Variants in PKP2 observed in about 807,000 individuals in gnomAD.
The protein encoded by PKP2 is plakophilin-2.
PKP2 carries 73 observed loss-of-function variants against 83.4 expected under a neutral mutation model. The ratio of observed to expected loss-of-function variants is 0.88; its 90% CI spans 0.72 to 1.06. The LOEUF (loss-of-function observed/expected upper bound fraction) is 1.06, where lower values mean the gene tolerates loss of function less well. Ranked by LOEUF, PKP2 falls within the 50% of genes least tolerant of loss-of-function variation. The pLI, the probability that PKP2 is intolerant of heterozygous loss-of-function variation, is 0.00. For synonymous variants in PKP2, 409 were observed against 430.4 expected, an observed-to-expected ratio of 0.95 and a Z score of 0.62; for missense variants, 966 against 1,065.4, an observed-to-expected ratio of 0.91 and a Z score of 1.30.
Position 32,819,876 on chromosome 12 carries a change from G to A in PKP2, c.2013+1480C>T, listed in dbSNP as rs192158525. ...AGCAAGCTTACACACACACACACAC[G>A]CACACACAACCCCCCCCCCCCCATT... is the stretch of plus-strand genomic sequence containing the variant. On this transcript the variant is annotated intron_variant, in intron 9 of 12. Transcript: ENST00000340811. 4.2e-4 allele frequency among the ~76,000 whole-genome samples: 28 copies of A among 67,062 alleles called. No individual in the cohort carries two copies. The East Asian group carries it at 5.9e-3, about 14-fold the overall frequency. The allele number at this position is 67,062 out of a possible 152,430, so 44.0% of individuals were successfully genotyped here.
intron 4 of PKP2, among the ~76,000 whole-genome samples, chr12:32,865,529 T>A (rs540971745): frequency 1.4e-5 from 2 of 147,576 alleles, no homozygotes; most frequent in South Asian, 2.2e-4. Flanking sequence ...AAAAAAAAAA[T>A]ACAAAAATTA....
At chr12:32,835,441 C>A (rs1481348818) in intron 6 of PKP2, among the ~76,000 whole-genome samples, 1 of 151,324 alleles carries the variant, frequency 6.6e-6, no homozygotes, top group East Asian at 1.9e-4. Flanking sequence ...AACTGCAATA[C>A]ATATTTTAAC....
intron 5 of PKP2, among the ~76,000 whole-genome samples, chr12:32,848,631 A>C (rs2137855188): frequency 6.6e-6 from 1 of 152,310 alleles, no homozygotes; most frequent in South Asian, 2.1e-4. Flanking sequence ...ACATGGACTT[A>C]AAGATGAATA....
At position 32,792,669 on chromosome 12, in the gene PKP2, G is replaced by A. The variant is rs146118033; in HGVS notation, c.2420C>T (p.Thr807Met). ...SVLLYSLWAH[T>M]ELHHAYKKAQ... is the part of the protein sequence containing the mutation. ...CTTCTTGTAGGCATGATGCAGTTCC[G>A]TGTGTGCCCACAGAGAATACAGAAG... is the stretch of plus-strand genomic sequence containing the variant. Residue 807 changes from threonine (T) to methionine (M), a missense_variant, in exon 12 of 13, where the codon ACG (threonine) becomes ATG (methionine). Physicochemically the swap from Thr to Met is moderately conservative, Grantham distance 81. Transcript: ENST00000340811. The A allele has an allele frequency of 3.7e-5, 60 of 1,613,798 alleles. No individual in the cohort carries two copies. Among genetic ancestry groups the A allele is most frequent in the Admixed American group, 5.0e-5 (3 of 60,008 alleles).
intron 9 of PKP2, among the ~76,000 whole-genome samples, chr12:32,804,548 G>A (rs796368295): frequency 1.8e-4 from 27 of 152,238 alleles, no homozygotes; most frequent in African/African-American, 6.5e-4. Context: ...GAGGCCACGT[G>A]GTACTTGGCT....
Position 32,896,530 on chromosome 12 carries a change from C to A in PKP2, c.202G>T (p.Gly68Cys). The A allele has an allele frequency of 2.6e-6, 4 of 1,556,132 alleles. No homozygotes were observed. In the South Asian group the frequency reaches 4.6e-5, roughly 18 times the overall value. ...EQVQQTLARK[G>C]RSSVGNGNLH... ...TCACCGTTGCCCACGGAGCTGCGGC[C>A]CTTCCGGGCGAGGGTCTGCTGCACC... The change falls in exon 1 of 13, where the codon GGC becomes TGC. Residue 68 changes from glycine to cysteine, a missense_variant. Physicochemically the swap from Gly to Cys is radical, Grantham distance 159. Coordinates refer to ENST00000340811, the MANE Select transcript of PKP2 (RefSeq NM_001005242.3).
chr12:32,832,521 A>G (rs1287852205), intron 6 of PKP2, among the ~76,000 whole-genome samples: 2 of 152,204 alleles, frequency 1.3e-5, no homozygotes, highest in Non-Finnish European at 2.9e-5. Flanking sequence ...TCCATTATTT[A>G]TTAACTTCAT....
At chr12:32,792,770 G>C in intron 11 of PKP2, 39 bp from the exon 12 acceptor site, 1 of 1,534,608 alleles carries the variant, frequency 6.5e-7, no homozygotes, top group Non-Finnish European at 9.0e-7. Context: ...GGGAGAATGA[G>C]TGAGGCTTCT....
intron 1 of PKP2, among the ~76,000 whole-genome samples, chr12:32,880,534 C>T (rs138877641): frequency 1.3e-5 from 2 of 152,286 alleles, no homozygotes; most frequent in Middle Eastern, 3.4e-3. Flanking sequence ...AGGAAATCAA[C>T]CTCTATGCTC....
Position 32,878,545 on chromosome 12 carries a change from T to C in PKP2, c.337-2A>G. The stretch of plus-strand genomic sequence containing the variant: ...TTCATAAGTGGCAGTTGTGCCAGCC[T>C]GCACATGAGAGAAATAAAGTTTAAA... On this transcript the variant is annotated splice_acceptor_variant, in intron 2 of 12. Transcript: ENST00000340811. LOFTEE classifies it high-confidence loss of function. 6.2e-7 allele frequency: 1 copy of C among 1,610,136 alleles called. No individual in the cohort carries two copies. Among genetic ancestry groups the C allele is most frequent in the Non-Finnish European group, 8.5e-7 (1 of 1,177,826 alleles).
chr12:32,810,574 GA>G (rs1158299965), intron 9 of PKP2, among the ~76,000 whole-genome samples: 1 of 152,024 alleles, frequency 6.6e-6, no homozygotes, highest in Non-Finnish European at 1.5e-5. Context: ...TGCTATTTAA[GA>G]AAAGTGTTTT....
intron 3 of PKP2, among the ~76,000 whole-genome samples, chr12:32,875,445 G>T (rs1334902711): frequency 6.6e-6 from 1 of 152,154 alleles, no homozygotes; most frequent in Non-Finnish European, 1.5e-5. Flanking sequence ...GGTATGTTTG[G>T]GGATGGTGGT....
At chr12:32,805,038 T>A (rs1372409889) in intron 9 of PKP2, among the ~76,000 whole-genome samples, 7 of 152,240 alleles carry the variant, frequency 4.6e-5, no homozygotes, top group African/African-American at 1.7e-4. Flanking sequence ...TTGATTTGCA[T>A]TTTTCTAATG....
At chr12:32,864,633 TCTAA>T (rs981115256) in intron 4 of PKP2, among the ~76,000 whole-genome samples, 13 of 152,268 alleles carry the variant, frequency 8.5e-5, no homozygotes, top group African/African-American at 3.1e-4. Context: ...CAGTGCAATC[TCTAA>T]CAAAATCCCA....
chr12:32,840,816 G>A (rs370300519), intron 6 of PKP2, among the ~76,000 whole-genome samples: 2 of 152,002 alleles, frequency 1.3e-5, no homozygotes, highest in Admixed American at 6.6e-5. Flanking sequence ...CCAGCACTTC[G>A]GGAGGCCAAG....
At chr12:32,893,219 C>T (rs980740901) in intron 1 of PKP2, 19 of 152,194 alleles carry the variant, frequency 1.2e-4, no homozygotes, top group African/African-American at 4.6e-4. Context: ...GCTGTCTCAA[C>T]CTTACAGGTT....
chr12:32,878,348 G>A lies in PKP2; in HGVS notation c.532C>T (p.Leu178=). 1 of 1,613,326 alleles carries A rather than the reference G, an allele frequency of 6.2e-7. No homozygotes were observed. The highest frequency in any genetic ancestry group is 1.1e-5 in the South Asian group (1 of 91,082). ...YSQRSQAGHT[L]HHQESRRAAL... Reference sequence around the variant, plus strand: ...GCCCGCCTGCTTTCTTGGTGGTGCAGGGTGTGCCCAGCCTGGCTTCTCTGG... The same window carrying A: ...GCCCGCCTGCTTTCTTGGTGGTGCAAGGTGTGCCCAGCCTGGCTTCTCTGG... Residue 178 remains leucine (L), a synonymous_variant, in exon 3 of 13, where the codon CTG becomes TTG. Transcript: ENST00000340811.
chr12:32,802,403 C>T lies in PKP2; in HGVS notation c.2167G>A (p.Ala723Thr). The T allele has an allele frequency of 6.2e-7, 1 of 1,613,924 alleles. No individual in the cohort carries two copies. The highest frequency in any genetic ancestry group is 8.5e-7 in the Non-Finnish European group (1 of 1,179,900). ...CACATAGATACTTATACCGACTCAC[C>T]AATTTCATTCTGCAGAGAAAGATTC... ...SRNLSLQNEI[A>T]KETLPDLVSI... The change falls in exon 10 of 13, where the codon GCC (alanine) becomes ACC (threonine). Residue 723 changes from alanine to threonine, a missense_variant and splice_region_variant. By Grantham distance (58) the Ala-to-Thr change is moderately conservative. Transcript: ENST00000340811.
Position 32,791,010 on chromosome 12 carries a change from A to G in PKP2, c.*1414T>C, listed in dbSNP as rs2137692933. On this transcript the variant is annotated 3_prime_UTR_variant, in exon 13 of 13. Coordinates refer to ENST00000340811, the MANE Select transcript of PKP2 (RefSeq NM_001005242.3). ...AAAAATTGCTTCAAATATAATAAAGACTTAAGTACACATTCAAAATTTATT... is the reference window on the plus strand; with the variant it reads ...AAAAATTGCTTCAAATATAATAAAGGCTTAAGTACACATTCAAAATTTATT... 1 of 152,332 alleles carries G rather than the reference A, an allele frequency of 6.6e-6. No homozygotes were observed. The highest frequency in any genetic ancestry group is 2.1e-4 in the South Asian group (1 of 4,830). 9.4% of individuals were successfully genotyped at this position (152,332 alleles called of 1,614,324 possible).
Sources: allele counts gnomAD v4.1 joint callset (sites outside exome capture counted in the v4.1 genomes callset), GRCh38; gene constraint gnomAD v4.1.1; transcripts MANE v1.5; gene names NCBI Gene and HGNC (gene_info 2026-07-23, HGNC 2026-07-21).